The following ATP6V0A1 variants were observed in gnomAD, a reference collection of about 807,000 sequenced individuals.
The protein encoded by ATP6V0A1 is V-type proton ATPase 116 kDa subunit a 1.
A neutral mutation model predicts 105.4 loss-of-function variants in ATP6V0A1; 43 were observed. That is an observed-to-expected ratio of 0.41 (90% confidence interval 0.32 to 0.53). The LOEUF is 0.53. Among genes scored for constraint, ATP6V0A1 ranks in the 20% least tolerant of loss-of-function variants. ATP6V0A1 has a pLI of 0.30. For missense variants in ATP6V0A1, 676 were observed against 1,051.1 expected, an observed-to-expected ratio of 0.64 and a Z score of 4.93; for synonymous variants, 362 against 372.8, an observed-to-expected ratio of 0.97 and a Z score of 0.33.
At chr17:42,482,468 G>A (rs1199223906) in intron 8 of ATP6V0A1, among the ~76,000 whole-genome samples, 5 of 151,708 alleles carry the variant, frequency 3.3e-5, no homozygotes, top group Non-Finnish European at 5.9e-5. Flanking sequence ...TTTTTTCCAT[G>A]CCATCTTACT....
intron 2 of ATP6V0A1, among the ~76,000 whole-genome samples, chr17:42,465,111 G>A (rs1168416169): frequency 6.6e-6 from 1 of 152,012 alleles, no homozygotes; most frequent in Non-Finnish European, 1.5e-5. Flanking sequence ...TTGTGCCTCA[G>A]CCTCCTGAGT....
chr17:42,476,878 C>T (rs1029638103), intron 5 of ATP6V0A1, among the ~76,000 whole-genome samples: 15 of 152,128 alleles, frequency 9.9e-5, no homozygotes, highest in African/African-American at 3.6e-4. Flanking sequence ...CCTATGTGAA[C>T]TTATTTAGAA....
chr17:42,463,632 T>C (rs537280687), intron 2 of ATP6V0A1, among the ~76,000 whole-genome samples: 1 of 152,334 alleles, frequency 6.6e-6, no homozygotes, highest in African/African-American at 2.4e-5. Flanking sequence ...AACATTATCA[T>C]AAAAGTCTTT....
intron 21 of ATP6V0A1, among the ~76,000 whole-genome samples, chr17:42,515,468 CA>C (rs34612473): frequency 0.083 from 7,128 of 85,452 alleles, 496 homozygotes; most frequent in African/African-American, 0.25. Context: ...GACTCTGTCT[CA>C]AAAAAAAAAA....
intron 4 of ATP6V0A1, 68 bp from the exon 5 acceptor site, chr17:42,470,022 A>T: frequency 7.0e-7 from 1 of 1,423,198 alleles, no homozygotes; most frequent in Non-Finnish European, 9.5e-7. Flanking sequence ...CTGTGGGATG[A>T]ATTCATTTAA....
intron 17 of ATP6V0A1, among the ~76,000 whole-genome samples, chr17:42,505,322 C>T (rs1376116610): frequency 1.3e-5 from 2 of 152,240 alleles, no homozygotes; most frequent in Non-Finnish European, 2.9e-5. Flanking sequence ...TCTCCTGCCT[C>T]AGCTTCCTGA....
intron 18 of ATP6V0A1, among the ~76,000 whole-genome samples, chr17:42,508,206 T>C (rs2092144119): frequency 6.6e-6 from 1 of 152,230 alleles, no homozygotes; most frequent in Admixed American, 6.5e-5. Flanking sequence ...CCTGACCCCT[T>C]GTAGCACAAA....
Position 42,514,360 on chromosome 17 carries a change from G to A in ATP6V0A1, c.2320G>A (p.Val774Met), listed in dbSNP as rs141898946. 669 of 1,613,726 alleles carry A rather than the reference G, an allele frequency of 4.1e-4. No individual in the cohort carries two copies. Among genetic ancestry groups the A allele is most frequent in the Non-Finnish European group, 5.2e-4 (608 of 1,179,866 alleles). The change falls in exon 21 of 22, where the codon GTG becomes ATG. Residue 774 changes from valine to methionine, a missense_variant. Val to Met is a conservative substitution (Grantham distance 21). This residue lies in a region of ATP6V0A1 where 435 missense variants were observed against 642.2 expected (regional missense o/e 0.68). Coordinates refer to ENST00000343619, the MANE Select transcript of ATP6V0A1 (RefSeq NM_001130021.3). The part of the protein sequence containing the change: ...LSVKSLAGGL[V>M]LFFFFTAFAT... ...CGTGAAGAGCTTGGCGGGAGGTTTGGTGCTGTTCTTCTTCTTCACTGCCTT... is the reference window on the plus strand; with the variant it reads ...CGTGAAGAGCTTGGCGGGAGGTTTGATGCTGTTCTTCTTCTTCACTGCCTT...
At chr17:42,516,417 C>T (rs1206710780) in intron 21 of ATP6V0A1, among the ~76,000 whole-genome samples, 1 of 152,152 alleles carries the variant, frequency 6.6e-6, no homozygotes, top group Non-Finnish European at 1.5e-5. Flanking sequence ...TCCTGGCCTC[C>T]CTCCTCCCCA....
At chr17:42,488,818 G>A (rs1598886016) in intron 10 of ATP6V0A1, among the ~76,000 whole-genome samples, 1 of 151,330 alleles carries the variant, frequency 6.6e-6, no homozygotes, top group Non-Finnish European at 1.5e-5. Context: ...TTTGAGACCA[G>A]CCTGGCCAAC....
intron 9 of ATP6V0A1, among the ~76,000 whole-genome samples, chr17:42,484,408 A>G (rs2145894888): frequency 6.6e-6 from 1 of 152,274 alleles, no homozygotes; most frequent in South Asian, 2.1e-4. Context: ...TAAGACAAAT[A>G]TATATCAAAC....
At chr17:42,492,301 A>C (rs2090720779) in intron 11 of ATP6V0A1, among the ~76,000 whole-genome samples, 1 of 151,800 alleles carries the variant, frequency 6.6e-6, no homozygotes. Flanking sequence ...CCCAGGAGGC[A>C]AAGGTTGCAG....
At chr17:42,481,111 C>T (rs747317879) in intron 8 of ATP6V0A1, 11 of 160,636 alleles carry the variant, frequency 6.8e-5, no homozygotes, top group East Asian at 1.8e-4. Flanking sequence ...TTTGTAGAGA[C>T]GGGGTTTTGC....
At chr17:42,501,419 C>A in intron 17 of ATP6V0A1, 115 bp downstream of exon 17, 1 of 870,828 alleles carries the variant, frequency 1.1e-6, no homozygotes, top group East Asian at 2.7e-5. Context: ...TTTTCTTTTT[C>A]TTTTTCTTTT....
At chr17:42,505,893 T>C (rs2091991777) in intron 17 of ATP6V0A1, among the ~76,000 whole-genome samples, 1 of 151,908 alleles carries the variant, frequency 6.6e-6, no homozygotes, top group South Asian at 2.1e-4. Flanking sequence ...GTTTCAGCAG[T>C]TGTCCTGCTT....
At chr17:42,503,968 G>A (rs564107664) in intron 17 of ATP6V0A1, among the ~76,000 whole-genome samples, 82 of 152,240 alleles carry the variant, frequency 5.4e-4, no homozygotes, top group African/African-American at 2.0e-3. Flanking sequence ...TCTTTTTTCT[G>A]CTAGTCTTAG....
chr17:42,514,291 C>A lies in ATP6V0A1; in HGVS notation c.2251C>A (p.Leu751Met). 1 of 1,584,830 alleles carries A rather than the reference C, an allele frequency of 6.3e-7. No homozygotes were observed. Among genetic ancestry groups the A allele is most frequent in the South Asian group, 1.2e-5 (1 of 86,346 alleles). The change falls in exon 21 of 22, where the codon CTG becomes ATG. Residue 751 changes from leucine to methionine, a missense_variant and splice_region_variant. Leu to Met is a conservative substitution (Grantham distance 15, BLOSUM62 2). Coordinates refer to ENST00000343619, the MANE Select transcript of ATP6V0A1 (RefSeq NM_001130021.3). ...ATTTTGTGTCTCCCATTCCCCAGAG[C>A]TGTCTGAGGTGCTTTGGACCATGGT... ...LWALSLAHAQLSEVLWTMVIH... is the reference protein window; with the variant it reads ...LWALSLAHAQMSEVLWTMVIH...
intron 19 of ATP6V0A1, chr17:42,509,773 C>T (rs1199574193): frequency 6.6e-6 from 1 of 152,232 alleles, no homozygotes; most frequent in African/African-American, 2.4e-5. Context: ...CGTTTGTAGC[C>T]ATGTCCCAGG....
At chr17:42,500,990 G>A in intron 16 of ATP6V0A1, 67 bp downstream of exon 16, 1 of 1,521,114 alleles carries the variant, frequency 6.6e-7, no homozygotes, top group East Asian at 2.3e-5. Flanking sequence ...ATGTTTCTCT[G>A]ACCCTAAAAA....
Sources: gnomAD v4.1 joint callset for allele counts (sites outside exome capture counted in the v4.1 genomes callset) on GRCh38, gnomAD v4.1.1 for gene constraint, gnomAD v4.1.1 regional missense constraint, MANE v1.5 for transcripts, NCBI Gene and HGNC (gene_info 2026-07-23, HGNC 2026-07-21) for gene names.